IL1R1: variants seen among roughly 807,000 people sequenced by gnomAD.
The protein encoded by IL1R1 is interleukin 1 receptor type 1.
A neutral mutation model predicts 50.2 loss-of-function variants in IL1R1; 22 were observed. That is an observed-to-expected ratio of 0.44 (90% CI 0.31 to 0.63). IL1R1 has a LOEUF of 0.63. Among genes scored for constraint, IL1R1 ranks in the 20% least tolerant of loss-of-function variants. The probability of loss-of-function intolerance (pLI) is 0.07; values close to 1 mark genes in which losing one functional copy is unlikely to be tolerated. For synonymous variants in IL1R1, 251 were observed against 236.7 expected, an observed-to-expected ratio of 1.06 and a Z score of -0.55; for missense variants, 509 against 676.2, an observed-to-expected ratio of 0.75 and a Z score of 2.74.
intron 10 of IL1R1, 37 bp from the exon 11 acceptor site, chr2:102,175,441 G>T (rs1275801480): frequency 2.0e-6 from 3 of 1,504,536 alleles, no homozygotes; most frequent in Admixed American, 1.7e-5. Context: ...TCTTATTTTT[G>T]CCTTGTGGTT....
chr2:102,163,786 T>C (rs550465221), intron 3 of IL1R1, among the ~76,000 whole-genome samples: 1 of 152,376 alleles, frequency 6.6e-6, no homozygotes, highest in African/African-American at 2.4e-5. Context: ...TTAGACATTG[T>C]GGATTTTACC....
At chr2:102,128,117 C>T (rs1577910645) in intron 1 of IL1R1, among the ~76,000 whole-genome samples, 1 of 152,142 alleles carries the variant, frequency 6.6e-6, no homozygotes, top group African/African-American at 2.4e-5. Flanking sequence ...TCGAAATACC[C>T]TCCTTTTTAA....
At chr2:102,116,611 T>C (rs1379814044) in intron 1 of IL1R1, among the ~76,000 whole-genome samples, 2 of 152,214 alleles carry the variant, frequency 1.3e-5, no homozygotes, top group Non-Finnish European at 1.5e-5. Context: ...AGGTCAACTT[T>C]TGTGTAGTTG....
intron 6 of IL1R1, among the ~76,000 whole-genome samples, chr2:102,168,033 T>A (rs1685352619): frequency 6.6e-6 from 1 of 152,162 alleles, no homozygotes; most frequent in Non-Finnish European, 1.5e-5. Flanking sequence ...AATTTTATAG[T>A]TTCTCATAGT....
chr2:102,114,386 A>C (rs1485692038), intron 1 of IL1R1, among the ~76,000 whole-genome samples: 1 of 152,242 alleles, frequency 6.6e-6, no homozygotes, highest in African/African-American at 2.4e-5. Context: ...CCACATGCGA[A>C]GGTTCACAGG....
chr2:102,103,369 T>C (rs1680232504), upstream of IL1R1, among the ~76,000 whole-genome samples: 1 of 151,988 alleles, frequency 6.6e-6, no homozygotes, highest in South Asian at 2.1e-4. Flanking sequence ...AGGTGGGCTG[T>C]GTCGTGCTGA....
At chr2:102,103,574 T>C (rs1396073991), upstream of IL1R1, among the ~76,000 whole-genome samples, 1 of 152,184 alleles carries the variant, frequency 6.6e-6, no homozygotes, top group Non-Finnish European at 1.5e-5. Context: ...CCTTGAATGC[T>C]AGAATTGGAG....
At chr2:102,141,712 G>C (rs1377279397), upstream of IL1R1, 1 of 152,260 alleles carries the variant, frequency 6.6e-6, no homozygotes, top group Admixed American at 6.5e-5. Flanking sequence ...GTCTGAAAGG[G>C]ATGCAGGAAG....
intron 1 of IL1R1, among the ~76,000 whole-genome samples, chr2:102,083,333 C>CT (rs1559452614): frequency 2.6e-5 from 4 of 151,686 alleles, no homozygotes; most frequent in Non-Finnish European, 5.9e-5. Flanking sequence ...TAGAATAGAA[C>CT]TTTTTTTTTC....
chr2:102,172,336 C>T lies in IL1R1; in HGVS notation c.840-351C>T, dbSNP rs932664103. 4 of 985,006 alleles carry T rather than the reference C, an allele frequency of 4.1e-6. No homozygotes were observed. In the African/African-American group the frequency reaches 5.2e-5, roughly 13 times the overall value. 61.0% of individuals were successfully genotyped at this position (985,006 alleles called of 1,614,324 possible). On this transcript the variant is annotated intron_variant, in intron 8 of 11. Transcript: ENST00000410023. ...CAAGGATCTCCTGGCTTCCCATGAC[C>T]TCTCCTTCACAACACCTGCAAAGCA... is the stretch of plus-strand genomic sequence containing the variant.
chr2:102,090,493 TA>T (rs1437841121), intron 1 of IL1R1, among the ~76,000 whole-genome samples: 1 of 148,628 alleles, frequency 6.7e-6, no homozygotes, highest in Non-Finnish European at 1.5e-5. Context: ...ACGCTCTTTT[TA>T]TTATTTTTCT....
At chr2:102,122,314 T>G (rs185071647) in intron 1 of IL1R1, among the ~76,000 whole-genome samples, 1 of 152,172 alleles carries the variant, frequency 6.6e-6, no homozygotes, top group Non-Finnish European at 1.5e-5. Context: ...GTGTGAGACA[T>G]GGAGAGACTG....
intron 1 of IL1R1, among the ~76,000 whole-genome samples, chr2:102,152,735 A>G (rs1368043584): frequency 6.6e-6 from 1 of 151,928 alleles, no homozygotes; most frequent in Non-Finnish European, 1.5e-5. Flanking sequence ...TAGGACTGGG[A>G]GCGGGAGGAT....
chr2:102,142,475 T>G (rs1682724633), upstream of IL1R1: 1 of 152,050 alleles, frequency 6.6e-6, no homozygotes, highest in Non-Finnish European at 1.5e-5. Context: ...CTCAACTAAC[T>G]CTAGTGGAGC....
chr2:102,101,806 G>A (rs1249538376), upstream of IL1R1, among the ~76,000 whole-genome samples: 2 of 152,110 alleles, frequency 1.3e-5, no homozygotes, highest in African/African-American at 4.8e-5. Context: ...CTCTGGGCTC[G>A]GCTCAGGGAA....
At chr2:102,098,505 T>G (rs1680000129) in intron 1 of IL1R1, among the ~76,000 whole-genome samples, 1 of 152,192 alleles carries the variant, frequency 6.6e-6, no homozygotes, top group Non-Finnish European at 1.5e-5. Context: ...CAACAAAAAA[T>G]GCTTGCTTTT....
chr2:102,094,009 C>G (rs1679795871), intron 1 of IL1R1, among the ~76,000 whole-genome samples: 1 of 152,116 alleles, frequency 6.6e-6, no homozygotes. Context: ...CTGGGGAAAA[C>G]AAAACAAAAC....
chr2:102,140,728 C>T (rs1414266139), upstream of IL1R1, among the ~76,000 whole-genome samples: 4 of 152,034 alleles, frequency 2.6e-5, no homozygotes, highest in Non-Finnish European at 5.9e-5. Context: ...CACCAGTTAT[C>T]CAAGGAAAGG....
At chr2:102,077,600 T>G (rs1679025891) in intron 1 of IL1R1, among the ~76,000 whole-genome samples, 1 of 152,236 alleles carries the variant, frequency 6.6e-6, no homozygotes, top group South Asian at 2.1e-4. Context: ...TGCTCTGTGT[T>G]AGTTCTGCAT....
Sources: gnomAD v4.1 joint callset for allele counts (sites outside exome capture counted in the v4.1 genomes callset) on GRCh38, gnomAD v4.1.1 for gene constraint, MANE v1.5 for transcripts, NCBI Gene and HGNC (gene_info 2026-07-23, HGNC 2026-07-21) for gene names.